Variants in CTNNA2 observed in about 807,000 individuals in gnomAD.
CTNNA2 encodes the protein catenin alpha 2, also known as catenin alpha-2.
CTNNA2 carries 42 observed loss-of-function variants against 101.0 expected under a neutral mutation model. The observed-to-expected ratio is 0.42, with a 90% CI of 0.32 to 0.54. The LOEUF is 0.54. Among genes scored for constraint, CTNNA2 ranks in the 20% least tolerant of loss-of-function variants. The pLI is 0.14. For missense variants in CTNNA2, 871 were observed against 1,223.1 expected (o/e 0.71, Z 4.29); for synonymous variants, 450 against 456.4 (o/e 0.99, Z 0.18).
At chr2:79,456,324 G>T (rs1005638323) in intron 4 of CTNNA2, among the ~76,000 whole-genome samples, 2 of 151,562 alleles carry the variant, frequency 1.3e-5, no homozygotes, top group Non-Finnish European at 2.9e-5. Context: ...CTAGTCCTTT[G>T]ATTTTTTCAT....
At chr2:80,231,703 G>A (rs1394233362) in intron 7 of CTNNA2, among the ~76,000 whole-genome samples, 2 of 152,260 alleles carry the variant, frequency 1.3e-5, no homozygotes, top group East Asian at 1.9e-4. Flanking sequence ...ATTCCAACCT[G>A]ACACTGGTAT....
At chr2:79,306,119 C>T (rs1676238813) in intron 2 of CTNNA2, among the ~76,000 whole-genome samples, 1 of 150,810 alleles carries the variant, frequency 6.6e-6, no homozygotes, top group African/African-American at 2.4e-5. Flanking sequence ...TATGTTAAGT[C>T]AAACACATCA....
At chr2:80,087,764 C>A (rs1386890248) in intron 7 of CTNNA2, among the ~76,000 whole-genome samples, 1 of 152,040 alleles carries the variant, frequency 6.6e-6, no homozygotes, top group African/African-American at 2.4e-5. Flanking sequence ...CAAGGTGATG[C>A]CCATATGGCT....
intron 6 of CTNNA2, among the ~76,000 whole-genome samples, chr2:79,892,417 A>T (rs1684374107): frequency 7.2e-6 from 1 of 139,800 alleles, no homozygotes; most frequent in African/African-American, 2.6e-5. Context: ...TACCTGTATT[A>T]AAAAAAAACC....
At chr2:79,488,589 C>A (rs1671180363) in intron 4 of CTNNA2, among the ~76,000 whole-genome samples, 1 of 152,126 alleles carries the variant, frequency 6.6e-6, no homozygotes, top group Non-Finnish European at 1.5e-5. Flanking sequence ...GGCTGGTATA[C>A]CAGAGCATGT....
At chr2:80,363,437 G>C (rs569855045) in intron 7 of CTNNA2, among the ~76,000 whole-genome samples, 1 of 152,266 alleles carries the variant, frequency 6.6e-6, no homozygotes, top group East Asian at 1.9e-4. Flanking sequence ...GATTTTACCA[G>C]CTCTCTCAAA....
intron 11 of CTNNA2, among the ~76,000 whole-genome samples, chr2:80,550,502 A>G (rs755664965): frequency 2.6e-5 from 4 of 152,218 alleles, no homozygotes; most frequent in Non-Finnish European, 5.9e-5. Context: ...TCCACAGTAG[A>G]ACTTCTTTCA....
chr2:80,362,273 T>A (rs1483850027), intron 7 of CTNNA2, among the ~76,000 whole-genome samples: 1 of 152,172 alleles, frequency 6.6e-6, no homozygotes, highest in African/African-American at 2.4e-5. Context: ...GAGGCTTATT[T>A]AACTTTGAAA....
At chr2:79,326,626 C>T (rs533690215) in intron 3 of CTNNA2, among the ~76,000 whole-genome samples, 49 of 152,194 alleles carry the variant, frequency 3.2e-4, no homozygotes, top group African/African-American at 7.9e-4. Flanking sequence ...ACATGTTTGA[C>T]GCTGGTTAGG....
intron 3 of CTNNA2, among the ~76,000 whole-genome samples, chr2:79,360,531 T>A (rs948189988): frequency 5.9e-5 from 9 of 152,188 alleles, no homozygotes; most frequent in African/African-American, 2.2e-4. Context: ...GACTTATTTT[T>A]AATCACCATG....
chr2:80,458,430 A>C (rs1277235272), intron 9 of CTNNA2, among the ~76,000 whole-genome samples: 5 of 152,202 alleles, frequency 3.3e-5, no homozygotes, highest in African/African-American at 1.2e-4. Context: ...ACAAGTAAAT[A>C]AATTTATGTT....
intron 4 of CTNNA2, among the ~76,000 whole-genome samples, chr2:79,388,776 C>G (rs1232780151): frequency 6.6e-6 from 1 of 150,942 alleles, no homozygotes; most frequent in Non-Finnish European, 1.5e-5. Context: ...TTTTCTTTCT[C>G]TCTCCTCTTT....
At chr2:79,639,378 A>T (rs546355899) in intron 1 of CTNNA2, among the ~76,000 whole-genome samples, 3 of 152,330 alleles carry the variant, frequency 2.0e-5, no homozygotes, top group Non-Finnish European at 4.4e-5. Context: ...GAAGGAAGAG[A>T]CAGAAAACTT....
chr2:79,789,502 T>C (rs541792648), intron 3 of CTNNA2, among the ~76,000 whole-genome samples: 55 of 152,228 alleles, frequency 3.6e-4, no homozygotes, highest in African/African-American at 1.3e-3. Context: ...AGTGAGCCAA[T>C]TCGATTTGCA....
intron 3 of CTNNA2, among the ~76,000 whole-genome samples, chr2:79,786,534 C>G (rs529995343): frequency 8.1e-4 from 123 of 151,284 alleles, no homozygotes; most frequent in Non-Finnish European, 1.4e-3. Context: ...GGCATTCTTT[C>G]CAGAAGAGTG....
chr2:79,496,123 C>T (rs987189329), intron 4 of CTNNA2, among the ~76,000 whole-genome samples: 1 of 152,016 alleles, frequency 6.6e-6, no homozygotes, highest in Non-Finnish European at 1.5e-5. Flanking sequence ...GAATTGTATA[C>T]TTTAAATGGG....
At chr2:80,155,212 A>C (rs754904801) in intron 7 of CTNNA2, among the ~76,000 whole-genome samples, 4 of 152,230 alleles carry the variant, frequency 2.6e-5, no homozygotes, top group Admixed American at 6.5e-5. Context: ...AATGGTCTTA[A>C]GAAAGCTCAG....
intron 1 of CTNNA2, among the ~76,000 whole-genome samples, chr2:79,601,040 A>G (rs1387031748): frequency 2.0e-5 from 3 of 152,210 alleles, no homozygotes; most frequent in South Asian, 4.1e-4. Flanking sequence ...GTGTGTATGT[A>G]TATATGCACA....
rs138306274 is a variant in CTNNA2 at position 80,525,834 on chromosome 2, G to C, written c.1291-19148G>C. On this transcript the variant is annotated intron_variant, in intron 9 of 18. Coordinates refer to ENST00000402739, the MANE Select transcript of CTNNA2 (RefSeq NM_001282597.3). ...TTACGCGCTGGCAGGATTGCATAAG[G>C]TGCAATACGTGTGCCTGGGACCTGC... Among the ~76,000 whole-genome samples, 508 of 152,240 alleles carry C rather than the reference G, an allele frequency of 3.3e-3. 4 individuals are homozygous for C. The highest frequency in any genetic ancestry group is 0.012 in the African/African-American group (479 of 41,536).
Sources: allele counts gnomAD v4.1 joint callset (sites outside exome capture counted in the v4.1 genomes callset), GRCh38; gene constraint gnomAD v4.1.1; transcripts MANE v1.5; gene names NCBI Gene and HGNC (gene_info 2026-07-23, HGNC 2026-07-21).